MTCH1: variants seen among roughly 807,000 people sequenced by gnomAD.
The protein encoded by MTCH1 is mitochondrial carrier homolog 1.
In MTCH1, 23 loss-of-function variants were observed where a neutral mutation model predicts 49.3. The ratio of observed to expected loss-of-function variants is 0.47; its 90% CI spans 0.34 to 0.66. MTCH1 has a LOEUF of 0.66. MTCH1 is among the 30% of genes least tolerant of loss of function. The pLI is 0.01. For missense variants in MTCH1, 397 were observed against 532.1 expected (o/e 0.75, Z 2.50); for synonymous variants, 229 against 215.2 (o/e 1.06, Z -0.56).
Position 36,977,891 on chromosome 6 carries a change from A to T in MTCH1, c.591+187T>A, listed in dbSNP as rs765224472. On this transcript the variant is annotated intron_variant, in intron 4 of 11. Transcript: ENST00000373627. The surrounding 1 kb of genome is among the most constrained non-coding windows in gnomAD (Gnocchi z 5.4). ...TGCTGTCGGGTCCCAGGCTAGGCCC[A>T]ACAATGGCTGAGAAGGCTTTCCGGG... Among the ~76,000 whole-genome samples, 44 of 152,196 alleles carry T rather than the reference A, an allele frequency of 2.9e-4. No individual in the cohort carries two copies. Among genetic ancestry groups the T allele is most frequent in the Non-Finnish European group, 4.3e-4 (29 of 68,034 alleles).
At chr6:36,985,706 A>T (rs1246473692) in intron 1 of MTCH1, 147 bp downstream of exon 1, 3 of 228,700 alleles carry the variant, frequency 1.3e-5, no homozygotes, top group African/African-American at 3.3e-5. Flanking sequence ...CTTCCCTCCC[A>T]TCCCACCCAC....
In MTCH1 at chr6:36,977,751, C is replaced by T. The variant is rs112201425; in HGVS notation, c.592-60G>A. The T allele has an allele frequency of 9.1e-5, 132 of 1,454,414 alleles. No homozygotes were observed. The highest frequency in any genetic ancestry group is 3.7e-4 in the Admixed American group (19 of 51,718). The allele number at this position is 1,454,414 out of a possible 1,614,324, so 90.1% of individuals were successfully genotyped here. A position where few individuals can be genotyped will look rare whatever the true frequency, so the allele number is the denominator to read the frequency against. On this transcript the variant is annotated intron_variant, in intron 4 of 11. Transcript: ENST00000373627. The surrounding 1 kb of genome is among the most constrained non-coding windows in gnomAD (Gnocchi z 5.4). ...TCGGCCTGTCTCTGGAACTGGCCCTCGAGGGGAGCTACAAGTGCTCAGGAG... is the reference window on the plus strand; with the variant it reads ...TCGGCCTGTCTCTGGAACTGGCCCTTGAGGGGAGCTACAAGTGCTCAGGAG...
rs1442114850 is a variant in MTCH1 at position 36,977,850 on chromosome 6, GT to G, written c.592-160del. Among the ~76,000 whole-genome samples the G allele has an allele frequency of 5.3e-5, 8 of 152,128 alleles. No homozygotes were observed. The highest frequency in any genetic ancestry group is 1.9e-4 in the African/African-American group (8 of 41,422). ...GGCTCCACCTGTTGCCCACTCCCCA[GT>G]CCCCCACCCAGGAGTGCTGTCGGGT... On this transcript the variant is annotated intron_variant, in intron 4 of 11. Coordinates refer to ENST00000373627, the MANE Select transcript of MTCH1 (RefSeq NM_001271641.2). The surrounding 1 kb of genome is among the most constrained non-coding windows in gnomAD (Gnocchi z 5.4).
At chr6:36,985,361 G>A (rs183123834) in intron 1 of MTCH1, among the ~76,000 whole-genome samples, 2 of 150,948 alleles carry the variant, frequency 1.3e-5, no homozygotes, top group African/African-American at 4.9e-5. Context: ...CAGAGCCTCC[G>A]TTCCCCTCTA....
rs187794926 is a variant in MTCH1, at chr6:36,979,741, G to C, written c.407-1130C>G. Among the ~76,000 whole-genome samples, 101 of 152,252 alleles carry C rather than the reference G, an allele frequency of 6.6e-4. No individual in the cohort carries two copies. In the East Asian group the frequency reaches 0.015, roughly 22 times the overall value. On this transcript the variant is annotated intron_variant, in intron 2 of 11. Coordinates refer to ENST00000373627, the MANE Select transcript of MTCH1 (RefSeq NM_001271641.2). ...AACAGGCAAAAGGAAAATTTGCTTTGGGGGAGGGTGGATCCTAGTGAGGAG... is the reference window on the plus strand; with the variant it reads ...AACAGGCAAAAGGAAAATTTGCTTTCGGGGAGGGTGGATCCTAGTGAGGAG...
In MTCH1 at chr6:36,970,639, C is replaced by T. The variant is rs1340769815; in HGVS notation, c.954+8G>A. Reference sequence around the variant, plus strand: ...CAGTGGGAAGGAAGGACAGCTGGCACAACTTACCCCCATCACGAACTTGGT... The same window carrying T: ...CAGTGGGAAGGAAGGACAGCTGGCATAACTTACCCCCATCACGAACTTGGT... On this transcript the variant is annotated splice_region_variant and intron_variant, in intron 9 of 11. Coordinates refer to ENST00000373627, the MANE Select transcript of MTCH1 (RefSeq NM_001271641.2). 1 of 1,614,224 alleles carries T rather than the reference C, an allele frequency of 6.2e-7. No homozygotes were observed. The highest frequency in any genetic ancestry group is 8.5e-7 in the Non-Finnish European group (1 of 1,180,032).
intron 1 of MTCH1, among the ~76,000 whole-genome samples, chr6:36,983,599 A>G (rs1011030134): frequency 1.3e-5 from 2 of 152,106 alleles, no homozygotes; most frequent in Admixed American, 6.5e-5. Flanking sequence ...ATTAAACCCA[A>G]TTTCAACCTC....
rs1003234190 is a variant in MTCH1, at chr6:36,982,990, T to C, written c.322-1318A>G. ...GTAGAAGTGGCAAGTTAGAAAGCGC[T>C]ACCTTGTAAACTGGATTAGGTATGC... On this transcript the variant is annotated intron_variant, in intron 1 of 11. Transcript: ENST00000373627. The surrounding 1 kb of genome is among the most constrained non-coding windows in gnomAD (Gnocchi z 4.1). Among the ~76,000 whole-genome samples the C allele has an allele frequency of 1.3e-5, 2 of 152,202 alleles. No homozygotes were observed. Among genetic ancestry groups the C allele is most frequent in the Non-Finnish European group, 2.9e-5 (2 of 68,020 alleles).
chr6:36,973,346 G>T (rs1763749030), intron 7 of MTCH1, among the ~76,000 whole-genome samples: 1 of 152,350 alleles, frequency 6.6e-6, no homozygotes, highest in Non-Finnish European at 1.5e-5. Flanking sequence ...CAAAAGGCCA[G>T]TTTGAGGTCA....
upstream of MTCH1, chr6:36,986,218 GCC>G (rs562359471): frequency 1.4e-6 from 2 of 1,385,140 alleles, no homozygotes; most frequent in African/African-American, 1.5e-5. Context: ...ACGGGGCCAC[GCC>G]CCCTCACCGG....
At chr6:36,975,149 A>G (rs1763824699) in intron 7 of MTCH1, among the ~76,000 whole-genome samples, 1 of 152,230 alleles carries the variant, frequency 6.6e-6, no homozygotes, top group Admixed American at 6.5e-5. Context: ...TCAGCAGGAC[A>G]AGATTTTCTG....
At chr6:36,978,236 G>T in intron 3 of MTCH1, 81 bp from the exon 4 acceptor site, 1 of 1,272,994 alleles carries the variant, frequency 7.9e-7, no homozygotes, top group Non-Finnish European at 1.1e-6. Context: ...GCAGGAACCA[G>T]CTCCAAATAT....
Position 36,977,131 on chromosome 6 carries a change from G to T in MTCH1, c.701+68C>A. On this transcript the variant is annotated intron_variant, in intron 6 of 11. Coordinates refer to ENST00000373627, the MANE Select transcript of MTCH1 (RefSeq NM_001271641.2). This position sits in a 1 kb window ranked among gnomAD's most constrained non-coding sequence, Gnocchi z 5.4. ...AGAAAAGGTGCAGCAACCAATCCCA[G>T]CACGGCCTGCCCTGGCCGACTCTGA... is the stretch of plus-strand genomic sequence containing the variant. 1 of 1,534,624 alleles carries T rather than the reference G, an allele frequency of 6.5e-7. No individual in the cohort carries two copies. The highest frequency in any genetic ancestry group is 9.0e-7 in the Non-Finnish European group (1 of 1,110,950).
In MTCH1 at chr6:36,975,734, A is replaced by G. The variant is rs1447161874; in HGVS notation, c.702-17T>C. On this transcript the variant is annotated splice_polypyrimidine_tract_variant and intron_variant, in intron 6 of 11. Transcript: ENST00000373627. ...AGCACACCACTGTGAAGAAGGCAAGACAGAGATACAGGGTCATGCAGTCAC... is the reference window on the plus strand; with the variant it reads ...AGCACACCACTGTGAAGAAGGCAAGGCAGAGATACAGGGTCATGCAGTCAC... 8 of 1,613,024 alleles carry G rather than the reference A, an allele frequency of 5.0e-6. No individual in the cohort carries two copies. Among genetic ancestry groups the G allele is most frequent in the Non-Finnish European group, 6.8e-6 (8 of 1,179,224 alleles).
At chr6:36,981,537 G>A (rs775407952) in intron 2 of MTCH1, 51 bp downstream of exon 2, 1 of 1,552,430 alleles carries the variant, frequency 6.4e-7, no homozygotes. Context: ...CTCCCCACCT[G>A]AGGCCTCTTT....
chr6:36,969,409 AT>A, intron 11 of MTCH1: 1 of 1,068,538 alleles, frequency 9.4e-7, no homozygotes. Context: ...CCACTGCCCC[AT>A]TTCACTGCGA....
Position 36,986,163 on chromosome 6 carries a change from G to A in MTCH1, c.11C>T (p.Ser4Leu). MGA[S>L]DPEVAPWARG... ...AGCCCAGGGCGCCACTTCCGGGTCC[G>A]AAGCTCCCATGGCGCCCGGCGGCGA... The change falls in exon 1 of 12, where the codon TCG (serine) becomes TTG (leucine). Residue 4 changes from serine to leucine, a missense_variant. By Grantham distance (145) the Ser-to-Leu change is moderately radical. Coordinates refer to ENST00000373627, the MANE Select transcript of MTCH1 (RefSeq NM_001271641.2). The A allele has an allele frequency of 7.0e-7, 1 of 1,434,646 alleles. No homozygotes were observed. Among genetic ancestry groups the A allele is most frequent in the Non-Finnish European group, 9.1e-7 (1 of 1,102,090 alleles). The allele number at this position is 1,434,646 out of a possible 1,614,324, so 88.9% of individuals were successfully genotyped here.
At chr6:36,974,602 C>T (rs1763798735) in intron 7 of MTCH1, among the ~76,000 whole-genome samples, 1 of 152,130 alleles carries the variant, frequency 6.6e-6, no homozygotes, top group South Asian at 2.1e-4. Context: ...CTGGCCTCTA[C>T]CCACTAGATG....
Position 36,975,736 on chromosome 6 carries a change from A to AGAGATACAGGGTCATGCAGT in MTCH1, c.702-39_702-20dup. On this transcript the variant is annotated intron_variant, in intron 6 of 11. Coordinates refer to ENST00000373627, the MANE Select transcript of MTCH1 (RefSeq NM_001271641.2). ...CACACCACTGTGAAGAAGGCAAGAC[A>AGAGATACAGGGTCATGCAGT]GAGATACAGGGTCATGCAGTCACCT... 1 of 1,612,532 alleles carries AGAGATACAGGGTCATGCAGT rather than the reference A, an allele frequency of 6.2e-7. No homozygotes were observed. Among genetic ancestry groups the AGAGATACAGGGTCATGCAGT allele is most frequent in the Non-Finnish European group, 8.5e-7 (1 of 1,178,672 alleles).
Sources: allele counts gnomAD v4.1 joint callset (sites outside exome capture counted in the v4.1 genomes callset), GRCh38; gene constraint gnomAD v4.1.1; non-coding constraint Gnocchi (gnomAD v3.1); transcripts MANE v1.5; gene names NCBI Gene and HGNC (gene_info 2026-07-23, HGNC 2026-07-21).